The following NTRK3 variants were observed in gnomAD, a reference collection of about 807,000 sequenced individuals.
The protein encoded by NTRK3 is neurotrophic receptor tyrosine kinase 3.
Under a neutral mutation model 91.7 loss-of-function variants are expected in NTRK3, and 24 were observed. The observed-to-expected ratio is 0.26, with a 90% CI of 0.19 to 0.37. The LOEUF is 0.37. Ranked by LOEUF, NTRK3 falls within the 10% of genes least tolerant of loss-of-function variation. The probability of loss-of-function intolerance (pLI) is 1.00; values close to 1 mark genes in which losing one functional copy is unlikely to be tolerated. For missense variants in NTRK3, 880 were observed against 1,068.9 expected (o/e 0.82, Z 2.46); for synonymous variants, 483 against 404.0 (o/e 1.20, Z -2.34).
chr15:88,147,505 CCTTCTTCTTCTTCTT>C lies in NTRK3; in HGVS notation c.396-117_396-103del, dbSNP rs34299110. On this transcript the variant is annotated intron_variant, in intron 5 of 18. Coordinates refer to ENST00000394480, the Ensembl canonical transcript of NTRK3. ...TTTCACTGGAGCCTGGCTTTGTTTT[CCTTCTTCTTCTTCTT>C]CTTCTTCTTCTTCTTCTTCTTCTTC... 6,345 of 660,108 alleles carry C rather than the reference CCTTCTTCTTCTTCTT, an allele frequency of 9.6e-3. 59 individuals are homozygous for C. The highest frequency in any genetic ancestry group is 0.03 in the African/African-American group (1,613 of 53,944). 40.9% of individuals were successfully genotyped at this position (660,108 alleles called of 1,614,324 possible). A position where few individuals can be genotyped will look rare whatever the true frequency, so the allele number is the denominator to read the frequency against.
chr15:88,093,153 G>A (rs962098053), intron 13 of NTRK3, among the ~76,000 whole-genome samples: 4 of 148,794 alleles, frequency 2.7e-5, no homozygotes, highest in South Asian at 2.1e-4. Context: ...TTACCTCAAC[G>A]TAAACATGAA....
At chr15:87,955,198 C>T (rs544012165) in intron 14 of NTRK3, among the ~76,000 whole-genome samples, 3 of 152,196 alleles carry the variant, frequency 2.0e-5, no homozygotes, top group South Asian at 2.1e-4. Context: ...GTTTGAGCTG[C>T]CTTGTGCCCG....
At chr15:88,163,719 G>T (rs2044676721) in intron 5 of NTRK3, among the ~76,000 whole-genome samples, 1 of 152,190 alleles carries the variant, frequency 6.6e-6, no homozygotes, top group Admixed American at 6.5e-5. Context: ...TAGTTCCAAG[G>T]ATACAAGACT....
intron 13 of NTRK3, among the ~76,000 whole-genome samples, chr15:88,078,605 G>A (rs752104241): frequency 1.3e-5 from 2 of 152,138 alleles, no homozygotes; most frequent in Admixed American, 6.5e-5. Context: ...AGCCAAGATC[G>A]CACCATTGCA....
chr15:88,243,494 C>A lies in NTRK3; in HGVS notation c.248+12412G>T, dbSNP rs1376080567. Among the ~76,000 whole-genome samples, 1 of 151,694 alleles carries A rather than the reference C, an allele frequency of 6.6e-6. No homozygotes were observed. The highest frequency in any genetic ancestry group is 1.5e-5 in the Non-Finnish European group (1 of 67,964). On this transcript the variant is annotated intron_variant, in intron 3 of 18. Coordinates refer to ENST00000394480, the Ensembl canonical transcript of NTRK3. The surrounding 1 kb of genome is among the most constrained non-coding windows in gnomAD (Gnocchi z 4.8). Reference sequence around the variant, plus strand: ...AGTAAAGCCCAAAGCTTAGCAGTGACCCCTACCCCTGCTTCTCACTTGATC... The same window carrying A: ...AGTAAAGCCCAAAGCTTAGCAGTGAACCCTACCCCTGCTTCTCACTTGATC...
intron 6 of NTRK3, among the ~76,000 whole-genome samples, chr15:88,144,866 G>A (rs3784404): frequency 0.48 from 73,636 of 151,924 alleles, 18,972 homozygotes; most frequent in African/African-American, 0.67. Context: ...TCTACTGGGC[G>A]AGGGGCTGGT....
At chr15:87,867,009 C>T (rs1042808870) in exon 19 of NTRK3, 10 of 220,574 alleles carry the variant, frequency 4.5e-5, no homozygotes, top group Middle Eastern at 2.8e-3. Context: ...CAGAAAACAA[C>T]AGAGGAAATT....
At chr15:88,059,002 G>A (rs1045372986) in intron 13 of NTRK3, among the ~76,000 whole-genome samples, 83 of 151,732 alleles carry the variant, frequency 5.5e-4, no homozygotes, top group African/African-American at 1.8e-3. Context: ...CAAGAAACAT[G>A]GAAAGCCCAC....
intron 5 of NTRK3, among the ~76,000 whole-genome samples, chr15:88,167,785 T>G (rs1315655348): frequency 1.3e-5 from 2 of 152,084 alleles, no homozygotes; most frequent in Admixed American, 6.5e-5. Context: ...GGAGACCTAA[T>G]ACGTACCTGC....
At chr15:87,886,078 G>A (rs950918285) in intron 17 of NTRK3, among the ~76,000 whole-genome samples, 21 of 151,942 alleles carry the variant, frequency 1.4e-4, no homozygotes, top group Admixed American at 4.6e-4. Context: ...ACTAGAAATG[G>A]CCACAAACAT....
intron 17 of NTRK3, among the ~76,000 whole-genome samples, chr15:87,903,741 G>T (rs532178629): frequency 6.6e-6 from 1 of 152,258 alleles, no homozygotes; most frequent in East Asian, 1.9e-4. Context: ...GACTGTATTG[G>T]TTTTCCCCAG....
intron 14 of NTRK3, among the ~76,000 whole-genome samples, chr15:87,972,817 C>T (rs1402401344): frequency 2.6e-5 from 4 of 152,250 alleles, no homozygotes; most frequent in East Asian, 1.9e-4. Context: ...GCAACCCTGC[C>T]GTTTTCCTCT....
chr15:88,133,370 C>A (rs570161848), intron 10 of NTRK3, among the ~76,000 whole-genome samples: 40 of 152,244 alleles, frequency 2.6e-4, no homozygotes, highest in African/African-American at 9.4e-4. Flanking sequence ...GCTGCTGCTA[C>A]CCCACACCTC....
chr15:87,996,280 C>G (rs569580407), intron 14 of NTRK3, among the ~76,000 whole-genome samples: 10 of 152,142 alleles, frequency 6.6e-5, no homozygotes, highest in Admixed American at 1.3e-4. Flanking sequence ...TAAAACCATT[C>G]TTAGCTTAAG....
intron 17 of NTRK3, among the ~76,000 whole-genome samples, chr15:87,920,816 A>AAT (rs1427319705): frequency 1.3e-5 from 2 of 152,110 alleles, no homozygotes; most frequent in Non-Finnish European, 2.9e-5. Context: ...GACTGTGGGC[A>AAT]ATGGGGGATC....
intron 3 of NTRK3, among the ~76,000 whole-genome samples, chr15:88,186,865 CA>C (rs1387442899): frequency 5.3e-5 from 8 of 152,146 alleles, no homozygotes; most frequent in Non-Finnish European, 1.2e-4. Flanking sequence ...AGCTGATGGT[CA>C]AAATGCATAT....
intron 3 of NTRK3, among the ~76,000 whole-genome samples, chr15:88,191,717 C>T (rs1217226370): frequency 6.6e-6 from 1 of 152,240 alleles, no homozygotes; most frequent in East Asian, 1.9e-4. Flanking sequence ...TCTAGTGATC[C>T]AGACAGCAAC....
intron 13 of NTRK3, among the ~76,000 whole-genome samples, chr15:88,118,334 C>A (rs988429832): frequency 6.6e-6 from 1 of 152,114 alleles, no homozygotes; most frequent in Non-Finnish European, 1.5e-5. Context: ...TTCCAAGACC[C>A]AGAGGAGAAT....
chr15:88,212,387 T>C (rs551224049), intron 3 of NTRK3, among the ~76,000 whole-genome samples: 149 of 152,158 alleles, frequency 9.8e-4, no homozygotes, highest in African/African-American at 3.1e-3. Flanking sequence ...AAAAATAAAA[T>C]AAAAAGTCTC....
Sources: gnomAD v4.1 joint callset for allele counts (sites outside exome capture counted in the v4.1 genomes callset) on GRCh38, gnomAD v4.1.1 for gene constraint, Gnocchi (gnomAD v3.1) non-coding constraint, MANE v1.5 for transcripts, NCBI Gene and HGNC (gene_info 2026-07-23, HGNC 2026-07-21) for gene names.